FAM117B: variants seen among roughly 807,000 people sequenced by gnomAD.
FAM117B encodes family with sequence similarity 117 member B.
FAM117B carries 22 observed loss-of-function variants against 52.8 expected under a neutral mutation model. The observed-to-expected ratio is 0.42, with a 90% CI of 0.30 to 0.59. The LOEUF (loss-of-function observed/expected upper bound fraction) is 0.59, where lower values mean the gene tolerates loss of function less well. FAM117B is among the 20% of genes least tolerant of loss of function. The pLI, the probability that FAM117B is intolerant of heterozygous loss-of-function variation, is 0.22. For synonymous variants in FAM117B, 309 were observed against 324.1 expected (o/e 0.95, Z 0.50); for missense variants, 678 against 802.6 (o/e 0.84, Z 1.88).
intron 2 of FAM117B, among the ~76,000 whole-genome samples, chr2:202,719,829 G>A (rs1691121716): frequency 6.6e-6 from 1 of 152,096 alleles, no homozygotes; most frequent in South Asian, 2.1e-4. Flanking sequence ...CTGAGTTTTT[G>A]AGTCTTTCAT....
At chr2:202,668,813 A>C (rs1017345909) in intron 1 of FAM117B, among the ~76,000 whole-genome samples, 1 of 152,144 alleles carries the variant, frequency 6.6e-6, no homozygotes, top group African/African-American at 2.4e-5. Context: ...TCCATTTCAT[A>C]AATGAGAATA....
chr2:202,737,601 G>C (rs1448132933), intron 4 of FAM117B, among the ~76,000 whole-genome samples: 1 of 151,722 alleles, frequency 6.6e-6, no homozygotes, highest in Non-Finnish European at 1.5e-5. Context: ...TGTATCAATA[G>C]TTTAACTTTT....
At chr2:202,685,498 C>T (rs1049664806) in intron 1 of FAM117B, among the ~76,000 whole-genome samples, 1 of 152,158 alleles carries the variant, frequency 6.6e-6, no homozygotes, top group Non-Finnish European at 1.5e-5. Flanking sequence ...ACAATTCCTA[C>T]TCTGATCCTA....
intron 1 of FAM117B, among the ~76,000 whole-genome samples, chr2:202,677,155 C>T (rs1488199341): frequency 1.3e-5 from 2 of 151,922 alleles, no homozygotes; most frequent in Non-Finnish European, 2.9e-5. Context: ...ACAACCTCCG[C>T]CTCCGGGGTT....
At chr2:202,694,244 G>A (rs1238185807) in intron 1 of FAM117B, among the ~76,000 whole-genome samples, 1 of 139,346 alleles carries the variant, frequency 7.2e-6, no homozygotes, top group African/African-American at 2.8e-5. Flanking sequence ...AGACTGGAGT[G>A]CAGTGGTGCG....
At chr2:202,654,134 T>A (rs1690018209) in intron 1 of FAM117B, among the ~76,000 whole-genome samples, 1 of 150,062 alleles carries the variant, frequency 6.7e-6, no homozygotes, top group South Asian at 2.1e-4. Flanking sequence ...TGTTGAAGAC[T>A]TACTAACTTG....
At position 202,766,102 on chromosome 2, in the gene FAM117B, A is replaced by ACCCACCCC. The variant is rs1553526374; in HGVS notation, c.*339_*340insCCACCCCC. 1 of 191,004 alleles carries ACCCACCCC rather than the reference A, an allele frequency of 5.2e-6. No homozygotes were observed. The highest frequency in any genetic ancestry group is 1.1e-5 in the Non-Finnish European group (1 of 93,416). The allele number at this position is 191,004 out of a possible 1,614,324, so 11.8% of individuals were successfully genotyped here. A position where few individuals can be genotyped will look rare whatever the true frequency, so the allele number is the denominator to read the frequency against. On this transcript the variant is annotated 3_prime_UTR_variant, in exon 8 of 8. Coordinates refer to ENST00000392238, the MANE Select transcript of FAM117B (RefSeq NM_173511.4). ...CACACACACACACACACACACACAC[A>ACCCACCCC]CACACCCCTGATCCTTGCCAACATG...
chr2:202,745,670 A>G (rs549314905), intron 4 of FAM117B, among the ~76,000 whole-genome samples: 5 of 152,318 alleles, frequency 3.3e-5, no homozygotes, highest in African/African-American at 1.2e-4. Flanking sequence ...ATGGGTAATA[A>G]AATAAGAACC....
At chr2:202,662,121 T>G (rs1271872951) in intron 1 of FAM117B, among the ~76,000 whole-genome samples, 7 of 128,018 alleles carry the variant, frequency 5.5e-5, no homozygotes, top group Non-Finnish European at 9.0e-5. Context: ...GTGAGGTAGG[T>G]GTGTGTGTGT....
chr2:202,713,659 C>T (rs920107463), intron 2 of FAM117B, among the ~76,000 whole-genome samples: 5 of 152,000 alleles, frequency 3.3e-5, no homozygotes, highest in African/African-American at 1.2e-4. Flanking sequence ...CTGTAAAATT[C>T]CCTCTTAGTG....
intron 4 of FAM117B, among the ~76,000 whole-genome samples, chr2:202,742,992 T>C (rs1691573421): frequency 6.6e-6 from 1 of 152,150 alleles, no homozygotes; most frequent in Non-Finnish European, 1.5e-5. Context: ...CCACTGCTAC[T>C]GCACTGCCAA....
chr2:202,708,616 TG>T (rs1690912314), intron 2 of FAM117B, among the ~76,000 whole-genome samples: 1 of 152,198 alleles, frequency 6.6e-6, no homozygotes, highest in African/African-American at 2.4e-5. Context: ...TTATTTGTTT[TG>T]TTTTTAGAGA....
chr2:202,692,366 A>G (rs1257409420), intron 1 of FAM117B, among the ~76,000 whole-genome samples: 4 of 152,224 alleles, frequency 2.6e-5, no homozygotes, highest in African/African-American at 7.2e-5. Context: ...AAAGACATGC[A>G]GTAGAAACCA....
chr2:202,737,893 TGC>T (rs1321597825), intron 4 of FAM117B, among the ~76,000 whole-genome samples: 1 of 152,250 alleles, frequency 6.6e-6, no homozygotes, highest in Non-Finnish European at 1.5e-5. Context: ...TGAACCACTG[TGC>T]CCGGCCAGTT....
chr2:202,699,969 A>G (rs1409213160), intron 2 of FAM117B, among the ~76,000 whole-genome samples: 2 of 152,100 alleles, frequency 1.3e-5, no homozygotes, highest in Non-Finnish European at 2.9e-5. Context: ...CTTTGATGTT[A>G]CTGTTAATTG....
intron 4 of FAM117B, among the ~76,000 whole-genome samples, chr2:202,754,234 A>G (rs746462077): frequency 5.9e-5 from 9 of 152,188 alleles, no homozygotes; most frequent in Non-Finnish European, 1.2e-4. Context: ...AAGGACATGG[A>G]TGAAGCTGGA....
chr2:202,695,674 A>G (rs1201886852), intron 1 of FAM117B, among the ~76,000 whole-genome samples: 1 of 152,208 alleles, frequency 6.6e-6, no homozygotes, highest in African/African-American at 2.4e-5. Context: ...TATCATAGAT[A>G]TGTATATATA....
At chr2:202,636,616 A>T (rs183763673) in intron 1 of FAM117B, among the ~76,000 whole-genome samples, 1 of 152,364 alleles carries the variant, frequency 6.6e-6, no homozygotes, top group Admixed American at 6.5e-5. Context: ...AGAGAAATTC[A>T]AATTGTGGGA....
chr2:202,706,345 G>A (rs1690868697), intron 2 of FAM117B, among the ~76,000 whole-genome samples: 1 of 152,084 alleles, frequency 6.6e-6, no homozygotes, highest in Admixed American at 6.5e-5. Context: ...TTTTATGAAA[G>A]TGTTTGTTTT....
Sources: gnomAD v4.1 joint callset for allele counts (sites outside exome capture counted in the v4.1 genomes callset) on GRCh38, gnomAD v4.1.1 for gene constraint, MANE v1.5 for transcripts, NCBI Gene and HGNC (gene_info 2026-07-23, HGNC 2026-07-21) for gene names.